AGO2: variants seen among roughly 807,000 people sequenced by gnomAD.
AGO2 encodes the protein protein argonaute-2.
AGO2 carries 5 observed loss-of-function variants against 102.3 expected under a neutral mutation model. That is an observed-to-expected ratio of 0.05 (90% CI 0.03 to 0.10). AGO2 has a LOEUF of 0.10. AGO2 is among the 10% of genes least tolerant of loss of function. The probability of loss-of-function intolerance (pLI) is 1.00; values close to 1 mark genes in which losing one functional copy is unlikely to be tolerated. For synonymous variants in AGO2, 449 were observed against 473.1 expected (o/e 0.95, Z 0.66); for missense variants, 541 against 1,183.7 (o/e 0.46, Z 7.97).
chr8:140,558,903 A>G (rs934498889), intron 6 of AGO2, among the ~76,000 whole-genome samples: 6 of 152,198 alleles, frequency 3.9e-5, no homozygotes, highest in Non-Finnish European at 8.8e-5. Flanking sequence ...GGACGGGTTC[A>G]GCGGGCAGGG....
At chr8:140,595,920 T>A (rs1310486208) in intron 1 of AGO2, among the ~76,000 whole-genome samples, 12 of 116,244 alleles carry the variant, frequency 1.0e-4, no homozygotes, top group South Asian at 4.6e-4. Flanking sequence ...TAATATATAT[T>A]ATGTATATAA....
At position 140,524,018 on chromosome 8, in the gene AGO2, C is replaced by T. The variant is rs750919722; in HGVS notation, c.*8026G>A. 6.6e-6 allele frequency: 1 copy of T among 152,208 alleles called. No homozygotes were observed. Among genetic ancestry groups the T allele is most frequent in the Non-Finnish European group, 1.5e-5 (1 of 68,054 alleles). 9.4% of individuals were successfully genotyped at this position (152,208 alleles called of 1,614,324 possible). Reference sequence around the variant, plus strand: ...CTGCTCAATACCTGGCTTGAAAAAGCTAGAGATAAAAACTGCCTGTTAGGT... The same window carrying T: ...CTGCTCAATACCTGGCTTGAAAAAGTTAGAGATAAAAACTGCCTGTTAGGT... On this transcript the variant is annotated 3_prime_UTR_variant, in exon 19 of 19. Transcript: ENST00000220592.
At chr8:140,632,110 G>A (rs561589239) in intron 1 of AGO2, among the ~76,000 whole-genome samples, 2 of 152,370 alleles carry the variant, frequency 1.3e-5, no homozygotes, top group South Asian at 4.1e-4. Context: ...AGCCCAACTG[G>A]CATTGTGGAA....
rs1414530027 is a variant in AGO2, at chr8:140,589,053, G to A, written c.23-3742C>T. ...GTATACACAGCGGACGTCAGCAGAG[G>A]TGGGCGGCAGGCGAGCCTCCTGCAG... On this transcript the variant is annotated intron_variant, in intron 1 of 18. Transcript: ENST00000220592. The surrounding 1 kb of genome is among the most constrained non-coding windows in gnomAD (Gnocchi z 4.2). Among the ~76,000 whole-genome samples, 2 of 152,258 alleles carry A rather than the reference G, an allele frequency of 1.3e-5. No individual in the cohort carries two copies. The highest frequency in any genetic ancestry group is 2.9e-5 in the Non-Finnish European group (2 of 68,048).
chr8:140,550,984 A>T (rs1376571550), intron 11 of AGO2, among the ~76,000 whole-genome samples: 1 of 152,208 alleles, frequency 6.6e-6, no homozygotes, highest in Non-Finnish European at 1.5e-5. Context: ...ACTGTAGTTC[A>T]TTGAATCCAA....
At chr8:140,542,540 T>C (rs1267048911) in intron 14 of AGO2, among the ~76,000 whole-genome samples, 4 of 125,286 alleles carry the variant, frequency 3.2e-5, no homozygotes, top group Non-Finnish European at 6.7e-5. Flanking sequence ...GGATAGGGGA[T>C]AAACACACAG....
intron 1 of AGO2, among the ~76,000 whole-genome samples, chr8:140,597,474 A>AG (rs2073863811): frequency 4.4e-5 from 2 of 45,220 alleles, no homozygotes; most frequent in East Asian, 5.5e-4. Context: ...TGGCCCCCCC[A>AG]CCCCCCCCCC....
intron 1 of AGO2, among the ~76,000 whole-genome samples, chr8:140,623,944 T>C (rs2074244951): frequency 6.6e-6 from 1 of 152,160 alleles, no homozygotes; most frequent in African/African-American, 2.4e-5. Context: ...TGGCGAACAC[T>C]GCATAGACAC....
rs1554696533 is a variant in AGO2 at position 140,522,726 on chromosome 8, G to GGGGGGA, written c.*9317_*9318insTCCCCC. On this transcript the variant is annotated 3_prime_UTR_variant, in exon 19 of 19. Transcript: ENST00000220592. Reference sequence around the variant, plus strand: ...AGAGGGAGGGGGAGGGGGGAGAGGGGGAGAGAGAGAGAGAGAGAGAGAGGT... The same window carrying GGGGGGA: ...AGAGGGAGGGGGAGGGGGGAGAGGGGGGGGGAGAGAGAGAGAGAGAGAGAGAGAGGT... 1.6e-4 allele frequency: 19 copies of GGGGGGA among 121,054 alleles called. No homozygotes were observed. The highest frequency in any genetic ancestry group is 3.0e-4 in the South Asian group (1 of 3,368). 7.5% of individuals were successfully genotyped at this position (121,054 alleles called of 1,614,324 possible).
Position 140,592,705 on chromosome 8 carries a change from A to G in AGO2, c.23-7394T>C, listed in dbSNP as rs1216603260. The G allele has an allele frequency of 2.0e-5, 3 of 152,250 alleles. No individual in the cohort carries two copies. The East Asian group carries it at 5.8e-4, about 29-fold the overall frequency. 9.4% of individuals were successfully genotyped at this position (152,250 alleles called of 1,614,324 possible). ...AGACAGGGGTCTTGCTATGTCACCC[A>G]GGCTGGTCTCAAACTCCTGGCCTCA... is the stretch of plus-strand genomic sequence containing the variant. On this transcript the variant is annotated intron_variant, in intron 1 of 18. Coordinates refer to ENST00000220592, the MANE Select transcript of AGO2 (RefSeq NM_012154.5).
chr8:140,635,384 C>A, intron 1 of AGO2, 101 bp downstream of exon 1: 1 of 830,306 alleles, frequency 1.2e-6, no homozygotes, highest in South Asian at 5.3e-5. Context: ...CCCGACCCCG[C>A]GGCCCCCCGA....
In AGO2 at chr8:140,562,532, G is replaced by C. The variant is rs1326521865; in HGVS notation, c.439C>G (p.Leu147Val). The part of the protein sequence containing the change: ...CVSLQALHDA[L>V]SGRLPSVPFE... The stretch of plus-strand genomic sequence containing the variant: ...GGGACGCTGGGCAGCCGCCCTGAAA[G>C]TGCATCGTGTAACGCCTGCAAGCTC... Residue 147 changes from leucine (L) to valine (V), a missense_variant, in exon 4 of 19, where the codon CTT becomes GTT. Around this residue, in one of 6 missense-constraint regions of AGO2, gnomAD observed 147 missense variants for 204.1 expected, o/e 0.72. Transcript: ENST00000220592. 2 of 1,614,124 alleles carry C rather than the reference G, an allele frequency of 1.2e-6. No individual in the cohort carries two copies. Among genetic ancestry groups the C allele is most frequent in the Non-Finnish European group, 1.7e-6 (2 of 1,180,046 alleles).
At chr8:140,550,184 CAGA>C (rs1447743651) in intron 11 of AGO2, among the ~76,000 whole-genome samples, 3 of 152,208 alleles carry the variant, frequency 2.0e-5, no homozygotes, top group African/African-American at 7.2e-5. Flanking sequence ...AAGGTGGCCT[CAGA>C]AGGACAGATG....
In AGO2 at chr8:140,541,669, G is replaced by A. The variant is rs556310232; in HGVS notation, c.1840-311C>T. On this transcript the variant is annotated intron_variant, in intron 14 of 18. Coordinates refer to ENST00000220592, the MANE Select transcript of AGO2 (RefSeq NM_012154.5). ...CTGTAATCCCAGCACTTTGGAGGCCGAGATGGGCGGATCACCTGAGGTCAG... is the reference window on the plus strand; with the variant it reads ...CTGTAATCCCAGCACTTTGGAGGCCAAGATGGGCGGATCACCTGAGGTCAG... Among the ~76,000 whole-genome samples the A allele has an allele frequency of 2.5e-3, 386 of 152,314 alleles. 4 individuals are homozygous for A. Among genetic ancestry groups the A allele is most frequent in the African/African-American group, 8.7e-3 (363 of 41,570 alleles).
upstream of AGO2, among the ~76,000 whole-genome samples, chr8:140,636,068 C>G (rs1483611193): frequency 3.3e-5 from 5 of 151,472 alleles, no homozygotes; most frequent in Admixed American, 1.3e-4. Flanking sequence ...CCGCCGCCCC[C>G]CGGTGGGGGG....
chr8:140,550,688 C>A (rs2072979878), intron 11 of AGO2, among the ~76,000 whole-genome samples: 1 of 152,156 alleles, frequency 6.6e-6, no homozygotes, highest in Non-Finnish European at 1.5e-5. Context: ...GTGATCTAGG[C>A]TCACTGCAAC....
At chr8:140,541,579 A>G in intron 14 of AGO2, 1 of 491,088 alleles carries the variant, frequency 2.0e-6, no homozygotes, top group Non-Finnish European at 3.6e-6. Context: ...AAGTTTGCCA[A>G]GTTACATAGT....
intron 1 of AGO2, among the ~76,000 whole-genome samples, chr8:140,628,635 C>T (rs1271591674): frequency 6.6e-6 from 1 of 151,192 alleles, no homozygotes; most frequent in Non-Finnish European, 1.5e-5. Context: ...AGACCTCCAT[C>T]TCTACAAAAA....
At chr8:140,575,400 C>CG (rs1402939434) in intron 2 of AGO2, among the ~76,000 whole-genome samples, 1 of 152,206 alleles carries the variant, frequency 6.6e-6, no homozygotes, top group Non-Finnish European at 1.5e-5. Flanking sequence ...CTGCAGCTCT[C>CG]GCAAGAGGAC....
Sources: gnomAD v4.1 joint callset for allele counts (sites outside exome capture counted in the v4.1 genomes callset) on GRCh38, gnomAD v4.1.1 for gene constraint, gnomAD v4.1.1 regional missense constraint, Gnocchi (gnomAD v3.1) non-coding constraint, MANE v1.5 for transcripts, NCBI Gene and HGNC (gene_info 2026-07-23, HGNC 2026-07-21) for gene names.